GRID2: variants seen among roughly 807,000 people sequenced by gnomAD.
The protein encoded by GRID2 is glutamate ionotropic receptor delta type subunit 2, also known as glutamate receptor ionotropic, delta-2.
In GRID2, 33 loss-of-function variants were observed where a neutral mutation model predicts 114.8. That is an observed-to-expected ratio of 0.29 (90% CI 0.22 to 0.38). The LOEUF is 0.38. GRID2 is among the 10% of genes least tolerant of loss of function. The pLI is 1.00. For missense variants in GRID2, 1,184 were observed against 1,257.7 expected, an observed-to-expected ratio of 0.94 and a Z score of 0.89; for synonymous variants, 505 against 449.9, an observed-to-expected ratio of 1.12 and a Z score of -1.55.
At chr4:92,616,255 T>G (rs988539602) in intron 2 of GRID2, among the ~76,000 whole-genome samples, 1 of 147,244 alleles carries the variant, frequency 6.8e-6, no homozygotes, top group East Asian at 2.0e-4. Flanking sequence ...GGATGTAGGA[T>G]TCTTGGTTGA....
chr4:92,991,301 T>G (rs1754889058), intron 2 of GRID2, among the ~76,000 whole-genome samples: 1 of 152,154 alleles, frequency 6.6e-6, no homozygotes, highest in South Asian at 2.1e-4. Flanking sequence ...ATCAGGACAC[T>G]CTTGGCAAAA....
At chr4:92,598,843 T>C (rs1235103741) in intron 2 of GRID2, among the ~76,000 whole-genome samples, 3 of 152,040 alleles carry the variant, frequency 2.0e-5, no homozygotes, top group African/African-American at 7.2e-5. Flanking sequence ...CTCAGTAAGT[T>C]TTCACCCGTT....
intron 4 of GRID2, among the ~76,000 whole-genome samples, chr4:93,192,408 G>T (rs1476377472): frequency 2.0e-5 from 3 of 152,056 alleles, no homozygotes; most frequent in African/African-American, 7.2e-5. Context: ...TAAGATACAA[G>T]ATTTTATTCC....
intron 2 of GRID2, among the ~76,000 whole-genome samples, chr4:93,059,912 A>G (rs768094792): frequency 6.6e-6 from 1 of 151,962 alleles, no homozygotes; most frequent in Non-Finnish European, 1.5e-5. Flanking sequence ...AATTATATTG[A>G]TAGTTTCTTT....
intron 8 of GRID2, among the ~76,000 whole-genome samples, chr4:93,369,585 T>C (rs754437293): frequency 1.4e-4 from 21 of 152,068 alleles, no homozygotes; most frequent in Non-Finnish European, 2.1e-4. Flanking sequence ...CACTCCCAGT[T>C]TCAAGCGATC....
chr4:93,239,373 A>G (rs1306039037), intron 8 of GRID2, among the ~76,000 whole-genome samples: 1 of 129,040 alleles, frequency 7.7e-6, no homozygotes, highest in Non-Finnish European at 1.6e-5. Flanking sequence ...ATCTATCTAT[A>G]TTTGGTAGGG....
intron 2 of GRID2, among the ~76,000 whole-genome samples, chr4:92,813,984 C>T (rs1290441636): frequency 6.6e-6 from 1 of 152,074 alleles, no homozygotes; most frequent in Non-Finnish European, 1.5e-5. Flanking sequence ...AAGCAGAGTT[C>T]CTTTGTTAAG....
At chr4:92,728,217 C>T (rs192130702) in intron 2 of GRID2, among the ~76,000 whole-genome samples, 4 of 152,066 alleles carry the variant, frequency 2.6e-5, no homozygotes, top group Non-Finnish European at 5.9e-5. Context: ...CCCTACATAA[C>T]TCATTTCCTT....
At chr4:93,064,080 G>T (rs1728046339) in intron 2 of GRID2, among the ~76,000 whole-genome samples, 1 of 148,908 alleles carries the variant, frequency 6.7e-6, no homozygotes, top group Non-Finnish European at 1.5e-5. Context: ...CAATGTTAAT[G>T]GTATACACTA....
chr4:92,498,418 AT>A (rs1236460210), intron 1 of GRID2, among the ~76,000 whole-genome samples: 1 of 151,942 alleles, frequency 6.6e-6, no homozygotes, highest in Non-Finnish European at 1.5e-5. Context: ...TTAAGGGTAT[AT>A]CTGTCAATTA....
At chr4:93,085,342 A>T in intron 3 of GRID2, 63 bp downstream of exon 3, 1 of 1,285,154 alleles carries the variant, frequency 7.8e-7, no homozygotes, top group East Asian at 2.3e-5. Context: ...CAAATTCATT[A>T]AATCTTAAAA....
chr4:92,899,739 C>T (rs958304409), intron 2 of GRID2, among the ~76,000 whole-genome samples: 1 of 152,126 alleles, frequency 6.6e-6, no homozygotes, highest in Non-Finnish European at 1.5e-5. Flanking sequence ...TGGGTTTTTG[C>T]TTGTACCTAA....
chr4:92,647,124 A>G (rs1731684315), intron 2 of GRID2, among the ~76,000 whole-genome samples: 1 of 152,182 alleles, frequency 6.6e-6, no homozygotes. Flanking sequence ...ACATTTAATA[A>G]TGGTGTGATC....
At chr4:93,616,933 C>T (rs1260346326) in intron 13 of GRID2, among the ~76,000 whole-genome samples, 1 of 150,204 alleles carries the variant, frequency 6.7e-6, no homozygotes, top group Non-Finnish European at 1.5e-5. Context: ...GTGGAGCTTG[C>T]GTGAGCTAAG....
intron 2 of GRID2, among the ~76,000 whole-genome samples, chr4:92,673,702 C>G (rs2149278072): frequency 6.6e-6 from 1 of 152,158 alleles, no homozygotes; most frequent in Middle Eastern, 3.4e-3. Context: ...CTATTGAATT[C>G]TGGCTGGCAT....
chr4:92,519,109 T>C (rs764386167), intron 1 of GRID2, among the ~76,000 whole-genome samples: 41 of 151,894 alleles, frequency 2.7e-4, no homozygotes, highest in Non-Finnish European at 4.7e-4. Flanking sequence ...TTGAAATACA[T>C]GTATCAAATT....
chr4:92,665,720 T>C (rs1353669156), intron 2 of GRID2, among the ~76,000 whole-genome samples: 1 of 151,200 alleles, frequency 6.6e-6, no homozygotes, highest in Non-Finnish European at 1.5e-5. Flanking sequence ...ATGTTTTTTT[T>C]TTCTAGTAGT....
intron 4 of GRID2, among the ~76,000 whole-genome samples, chr4:93,122,353 GAAT>G (rs1733852394): frequency 6.6e-6 from 1 of 152,118 alleles, no homozygotes; most frequent in African/African-American, 2.4e-5. Context: ...TAAATGGAAA[GAAT>G]AATAGAAGCT....
chr4:92,934,350 G>A (rs1188633100), intron 2 of GRID2, among the ~76,000 whole-genome samples: 2 of 151,632 alleles, frequency 1.3e-5, no homozygotes, highest in African/African-American at 4.8e-5. Context: ...TGGTGTATAA[G>A]AATGCTTGTG....
Sources: allele counts gnomAD v4.1 joint callset (sites outside exome capture counted in the v4.1 genomes callset), GRCh38; gene constraint gnomAD v4.1.1; transcripts MANE v1.5; gene names NCBI Gene and HGNC (gene_info 2026-07-23, HGNC 2026-07-21).